Variants in TSPAN9 observed in about 807,000 individuals in gnomAD.
The protein encoded by TSPAN9 is tetraspanin-9.
Under a neutral mutation model 31.0 loss-of-function variants are expected in TSPAN9, and 16 were observed. That is an observed-to-expected ratio of 0.52 (90% CI 0.35 to 0.78). The LOEUF (loss-of-function observed/expected upper bound fraction) is 0.78, where lower values mean the gene tolerates loss of function less well. Ranked by LOEUF, TSPAN9 falls within the 30% of genes least tolerant of loss-of-function variation. TSPAN9 has a pLI of 0.01. For missense variants in TSPAN9, 272 were observed against 312.5 expected, an observed-to-expected ratio of 0.87 and a Z score of 0.98; for synonymous variants, 145 against 121.6, an observed-to-expected ratio of 1.19 and a Z score of -1.27.
In TSPAN9 at chr12:3,275,375, GCCCTGCAGCTC is replaced by G. The variant is rs976046895; in HGVS notation, c.64-3036_64-3026del. 2.6e-5 allele frequency among the ~76,000 whole-genome samples: 4 copies of G among 152,124 alleles called. 1 individual carries two copies. Among genetic ancestry groups the G allele is most frequent in the Admixed American group, 1.3e-4 (2 of 15,288 alleles). On this transcript the variant is annotated intron_variant, in intron 3 of 8. Coordinates refer to ENST00000011898, the MANE Select transcript of TSPAN9 (RefSeq NM_006675.5). ...GTCTCCAGCTGCAGCGTGTGGGGGC[GCCCTGCAGCTC>G]CCCTGCAGCGAGTACCTGCGGCAGT... is the stretch of plus-strand genomic sequence containing the variant.
intron 3 of TSPAN9, among the ~76,000 whole-genome samples, chr12:3,207,291 C>G (rs566755163): frequency 5.9e-5 from 9 of 152,182 alleles, no homozygotes; most frequent in East Asian, 1.9e-4. Context: ...TTTTCTCCCC[C>G]CTTTCCAGCC....
At chr12:3,225,690 A>G (rs3782815) in intron 3 of TSPAN9, among the ~76,000 whole-genome samples, 20,700 of 151,982 alleles carry the variant, frequency 0.14, 1,807 homozygotes, top group East Asian at 0.29. Context: ...CTCCACAATA[A>G]CAGGAAGCCA....
rs1862665629 is a variant in TSPAN9, at chr12:3,270,885, G to T, written c.64-7536G>T. 2.0e-5 allele frequency among the ~76,000 whole-genome samples: 3 copies of T among 152,368 alleles called. No individual in the cohort carries two copies. The South Asian group carries it at 6.2e-4, about 32-fold the overall frequency. On this transcript the variant is annotated intron_variant, in intron 3 of 8. Transcript: ENST00000011898. ...AGGGGTTTTGGTCAATTGGGGAAGG[G>T]TTACAAAGTTGGCTGGAGAGAATTG...
At chr12:3,244,687 T>C (rs1278352610) in intron 3 of TSPAN9, among the ~76,000 whole-genome samples, 1 of 152,038 alleles carries the variant, frequency 6.6e-6, no homozygotes, top group African/African-American at 2.4e-5. Context: ...AAGGGGACCA[T>C]GTGGTAGATG....
At position 3,170,375 on chromosome 12, in the gene TSPAN9, G is replaced by C. The variant is rs1436891622; in HGVS notation, c.-17-30802G>C. Among the ~76,000 whole-genome samples the C allele has an allele frequency of 6.6e-6, 1 of 152,198 alleles. No homozygotes were observed. Among genetic ancestry groups the C allele is most frequent in the African/African-American group, 2.4e-5 (1 of 41,454 alleles). On this transcript the variant is annotated intron_variant, in intron 2 of 8. Transcript: ENST00000011898. This position sits in a 1 kb window ranked among gnomAD's most constrained non-coding sequence, Gnocchi z 4.4. ...CGTTGGACACACCAATCTACGGCTA[G>C]CTTGCTCCAGATAGCATGTAGCATA...
chr12:3,110,113 A>G (rs2098317653), intron 2 of TSPAN9, among the ~76,000 whole-genome samples: 1 of 118,088 alleles, frequency 8.5e-6, no homozygotes, highest in South Asian at 2.4e-4. Context: ...CCACCTCAGC[A>G]CAAGACCGGG....
intron 2 of TSPAN9, among the ~76,000 whole-genome samples, chr12:3,189,602 G>A (rs960529098): frequency 6.6e-6 from 1 of 152,164 alleles, no homozygotes; most frequent in African/African-American, 2.4e-5. Flanking sequence ...AGCACCTTTT[G>A]GGACTGTAAG....
At chr12:3,237,132 G>A (rs549608993) in intron 3 of TSPAN9, among the ~76,000 whole-genome samples, 2 of 152,280 alleles carry the variant, frequency 1.3e-5, no homozygotes, top group South Asian at 4.1e-4. Flanking sequence ...GGAGAGAGGA[G>A]GGGCTGTGAG....
At chr12:3,237,059 T>A (rs951532647) in intron 3 of TSPAN9, among the ~76,000 whole-genome samples, 2 of 152,126 alleles carry the variant, frequency 1.3e-5, no homozygotes, top group Non-Finnish European at 2.9e-5. Flanking sequence ...TTTGAATGAC[T>A]CATCAGGGAG....
intron 3 of TSPAN9, among the ~76,000 whole-genome samples, chr12:3,210,901 A>G (rs2098378326): frequency 6.6e-6 from 1 of 152,046 alleles, no homozygotes; most frequent in Admixed American, 6.5e-5. Context: ...ACGTGCTACC[A>G]AGCCTGGCTA....
At chr12:3,180,388 A>G (rs1371102665) in intron 2 of TSPAN9, among the ~76,000 whole-genome samples, 5 of 152,086 alleles carry the variant, frequency 3.3e-5, no homozygotes, top group Non-Finnish European at 7.4e-5. Flanking sequence ...TACTCAGGAG[A>G]ATCACTTGAA....
chr12:3,126,744 A>G (rs576334083), intron 2 of TSPAN9, among the ~76,000 whole-genome samples: 2 of 151,088 alleles, frequency 1.3e-5, no homozygotes, highest in Admixed American at 1.3e-4. Flanking sequence ...CCCTGTCTCT[A>G]CAAAAACTAC....
intron 3 of TSPAN9, among the ~76,000 whole-genome samples, chr12:3,246,134 T>C (rs1473072872): frequency 2.1e-5 from 1 of 46,916 alleles, no homozygotes; most frequent in Non-Finnish European, 2.2e-4. Flanking sequence ...TGGTGGAAGA[T>C]GAAGGGGAAC....
chr12:3,238,900 T>A (rs1445540113), intron 3 of TSPAN9, among the ~76,000 whole-genome samples: 1 of 152,032 alleles, frequency 6.6e-6, no homozygotes, highest in African/African-American at 2.4e-5. Context: ...TCCCAAGCTG[T>A]TTCCTTGCTT....
chr12:3,249,323 C>A (rs1201322382), intron 3 of TSPAN9, among the ~76,000 whole-genome samples: 2 of 152,182 alleles, frequency 1.3e-5, no homozygotes, highest in African/African-American at 4.8e-5. Context: ...GTGTCACTTC[C>A]TGTCCCACTT....
chr12:3,215,913 C>T (rs1330118798), intron 3 of TSPAN9, among the ~76,000 whole-genome samples: 1 of 152,196 alleles, frequency 6.6e-6, no homozygotes, highest in Non-Finnish European at 1.5e-5. Context: ...CGGGACCTCT[C>T]TGTCTGGCTT....
intron 8 of TSPAN9, among the ~76,000 whole-genome samples, chr12:3,282,614 G>A (rs1029808422): frequency 6.6e-5 from 10 of 152,098 alleles, no homozygotes; most frequent in African/African-American, 1.9e-4. Flanking sequence ...TGCCCAGGCC[G>A]ATCTCAAGCC....
intron 3 of TSPAN9, among the ~76,000 whole-genome samples, chr12:3,231,008 A>T (rs926331986): frequency 1.3e-5 from 2 of 152,294 alleles, no homozygotes; most frequent in African/African-American, 4.8e-5. Flanking sequence ...AGCGTGACCT[A>T]CATAAACCTT....
intron 1 of TSPAN9, among the ~76,000 whole-genome samples, chr12:3,079,196 C>A (rs2098296594): frequency 6.6e-6 from 1 of 152,172 alleles, no homozygotes; most frequent in Non-Finnish European, 1.5e-5. Flanking sequence ...CCAGGCTGGT[C>A]TTGAACTCCT....
Sources: allele counts gnomAD v4.1 joint callset (sites outside exome capture counted in the v4.1 genomes callset), GRCh38; gene constraint gnomAD v4.1.1; non-coding constraint Gnocchi (gnomAD v3.1); transcripts MANE v1.5; gene names NCBI Gene and HGNC (gene_info 2026-07-23, HGNC 2026-07-21).